The following NBAS variants were observed in gnomAD, a reference collection of about 807,000 sequenced individuals.
The protein encoded by NBAS is NAG/BC035112 fusion.
Under a neutral mutation model 302.5 loss-of-function variants are expected in NBAS, and 219 were observed. The ratio of observed to expected loss-of-function variants is 0.72; its 90% CI spans 0.65 to 0.81. NBAS has a LOEUF of 0.81. Among genes scored for constraint, NBAS ranks in the 30% least tolerant of loss-of-function variants. NBAS has a pLI of 0.00. For missense variants in NBAS, 2,932 were observed against 2,841.6 expected (o/e 1.03, Z -0.72); for synonymous variants, 1,118 against 1,021.6 (o/e 1.09, Z -1.80).
the NBAS span, among the ~76,000 whole-genome samples, chr2:15,036,975 C>A: frequency 1.3e-5 from 2 of 152,046 alleles, no homozygotes; most frequent in Non-Finnish European, 1.5e-5. Flanking sequence ...TTGACTGGGA[C>A]CTTGGATATG....
the NBAS span, among the ~76,000 whole-genome samples, chr2:15,006,453 A>G: frequency 6.6e-6 from 1 of 152,170 alleles, no homozygotes; most frequent in Admixed American, 6.5e-5. Context: ...TAAAATATAT[A>G]ATTATTAAGA....
chr2:15,169,681 G>A (rs1664205760), intron 51 of NBAS, among the ~76,000 whole-genome samples: 1 of 152,204 alleles, frequency 6.6e-6, no homozygotes, highest in South Asian at 2.1e-4. Context: ...CAGAACACAA[G>A]TTCCTATGGA....
At chr2:15,005,244 G>A in the NBAS span, among the ~76,000 whole-genome samples, 1 of 152,264 alleles carries the variant, frequency 6.6e-6, no homozygotes, top group African/African-American at 2.4e-5. Flanking sequence ...TATTCATCTT[G>A]CATAACTGAA....
At chr2:15,494,904 C>G (rs769769649) in intron 11 of NBAS, among the ~76,000 whole-genome samples, 6 of 151,918 alleles carry the variant, frequency 3.9e-5, no homozygotes, top group Non-Finnish European at 1.5e-5. Flanking sequence ...TTTCATTTTG[C>G]TGAGGAGGCA....
the NBAS span, among the ~76,000 whole-genome samples, chr2:15,085,622 C>T: frequency 6.6e-6 from 1 of 152,282 alleles, no homozygotes. Context: ...CAGCCCTGCC[C>T]TCCTGAGCAC....
At chr2:15,131,340 C>A in the NBAS span, among the ~76,000 whole-genome samples, 1 of 152,144 alleles carries the variant, frequency 6.6e-6, no homozygotes, top group Non-Finnish European at 1.5e-5. Flanking sequence ...CCTTCTGCGA[C>A]CTCTATTACT....
the NBAS span, among the ~76,000 whole-genome samples, chr2:15,152,114 T>C: frequency 2.0e-5 from 3 of 152,190 alleles, no homozygotes; most frequent in Admixed American, 2.0e-4. Flanking sequence ...CCTCCCAAAG[T>C]GCTGGGATTA....
At chr2:15,032,690 T>C in the NBAS span, among the ~76,000 whole-genome samples, 2 of 152,054 alleles carry the variant, frequency 1.3e-5, no homozygotes, top group Admixed American at 1.3e-4. Flanking sequence ...AAGGATATGG[T>C]GGAGAGATCA....
chr2:15,483,934 G>T (rs1006786626), intron 12 of NBAS, among the ~76,000 whole-genome samples: 2 of 152,062 alleles, frequency 1.3e-5, no homozygotes, highest in Non-Finnish European at 2.9e-5. Context: ...GAAACTAATC[G>T]GTTTGTCTAC....
chr2:15,074,906 T>C, the NBAS span, among the ~76,000 whole-genome samples: 1 of 152,226 alleles, frequency 6.6e-6, no homozygotes, highest in African/African-American at 2.4e-5. Flanking sequence ...CAATAAATCC[T>C]TTCTCACTTG....
the NBAS span, among the ~76,000 whole-genome samples, chr2:14,903,091 C>T: frequency 6.6e-6 from 1 of 151,768 alleles, no homozygotes; most frequent in Admixed American, 6.6e-5. Flanking sequence ...AATAAGAGAA[C>T]AAACCAAGAC....
the NBAS span, among the ~76,000 whole-genome samples, chr2:15,027,526 C>T: frequency 0.8 from 121,552 of 151,962 alleles, 49,095 homozygotes; most frequent in East Asian, 1. Context: ...ATTATAGTAG[C>T]TTTACTAGAA....
At chr2:15,533,635 C>T (rs1473264281) in intron 9 of NBAS, among the ~76,000 whole-genome samples, 7 of 150,432 alleles carry the variant, frequency 4.7e-5, no homozygotes, top group African/African-American at 7.4e-5. Context: ...AGAACGGAGA[C>T]GATGGGATTG....
intron 51 of NBAS, among the ~76,000 whole-genome samples, chr2:15,175,184 T>C (rs6716748): frequency 0.021 from 3,175 of 152,184 alleles, 102 homozygotes; most frequent in East Asian, 0.15. Context: ...GCCAGGATGG[T>C]CTCGATCTCC....
the NBAS span, among the ~76,000 whole-genome samples, chr2:15,051,767 G>C: frequency 6.6e-6 from 1 of 152,258 alleles, no homozygotes; most frequent in Middle Eastern, 3.4e-3. Flanking sequence ...CTGTCACCGT[G>C]GGACTTCCAT....
At chr2:15,211,507 G>T (rs1666409147) in intron 48 of NBAS, among the ~76,000 whole-genome samples, 1 of 152,174 alleles carries the variant, frequency 6.6e-6, no homozygotes, top group Admixed American at 6.5e-5. Flanking sequence ...CAAATGAAAA[G>T]TTATCCCCAG....
At chr2:15,500,929 A>C (rs2148630592) in intron 11 of NBAS, among the ~76,000 whole-genome samples, 1 of 152,160 alleles carries the variant, frequency 6.6e-6, no homozygotes, top group South Asian at 2.1e-4. Context: ...CTCAAAAAAA[A>C]AAGAAAAAAA....
At chr2:15,041,692 G>A in the NBAS span, among the ~76,000 whole-genome samples, 2 of 152,218 alleles carry the variant, frequency 1.3e-5, no homozygotes, top group African/African-American at 4.8e-5. Flanking sequence ...AAAGCAAACA[G>A]ATACTGAACA....
intron 30 of NBAS, among the ~76,000 whole-genome samples, chr2:15,377,009 A>T (rs1382306013): frequency 6.6e-6 from 1 of 152,204 alleles, no homozygotes; most frequent in East Asian, 1.9e-4. Context: ...CTGTCATAAT[A>T]GTCTTGGGAT....
Sources: allele counts gnomAD v4.1 joint callset (sites outside exome capture counted in the v4.1 genomes callset), GRCh38; gene constraint gnomAD v4.1.1; transcripts MANE v1.5; gene names NCBI Gene and HGNC (gene_info 2026-07-23, HGNC 2026-07-21).